Variants in IGSF11 observed in about 807,000 individuals in gnomAD.
IGSF11 encodes CXADR like 1.
IGSF11 carries 22 observed loss-of-function variants against 41.0 expected under a neutral mutation model. The observed-to-expected ratio is 0.54, with a 90% CI of 0.38 to 0.77. IGSF11 has a LOEUF of 0.77. Ranked by LOEUF, IGSF11 falls within the 30% of genes least tolerant of loss-of-function variation. The pLI is 0.00. For missense variants in IGSF11, 444 were observed against 530.8 expected (o/e 0.84, Z 1.61); for synonymous variants, 219 against 201.3 (o/e 1.09, Z -0.74).
chr3:118,969,325 G>T (rs1216225969), intron 1 of IGSF11, among the ~76,000 whole-genome samples: 1 of 152,158 alleles, frequency 6.6e-6, no homozygotes, highest in African/African-American at 2.4e-5. Context: ...AGAGGAAGGA[G>T]ACAGCTGATG....
At chr3:118,937,797 T>C (rs1003557834) in intron 1 of IGSF11, among the ~76,000 whole-genome samples, 3 of 152,176 alleles carry the variant, frequency 2.0e-5, no homozygotes, top group African/African-American at 7.2e-5. Flanking sequence ...CTATGTAACA[T>C]GTAATAGTCT....
At chr3:119,051,153 T>A (rs146366678) in intron 1 of IGSF11, among the ~76,000 whole-genome samples, 3,652 of 149,154 alleles carry the variant, frequency 0.024, 75 homozygotes, top group South Asian at 0.082. Flanking sequence ...TAATAATAAT[T>A]AATAAATAAA....
At chr3:119,024,039 T>A (rs953229131) in intron 1 of IGSF11, among the ~76,000 whole-genome samples, 2 of 152,196 alleles carry the variant, frequency 1.3e-5, no homozygotes, top group Non-Finnish European at 2.9e-5. Flanking sequence ...CTTGTCCAGC[T>A]CCCTGTAGCT....
At chr3:118,961,919 A>C (rs1945364397) in intron 1 of IGSF11, among the ~76,000 whole-genome samples, 1 of 152,244 alleles carries the variant, frequency 6.6e-6, no homozygotes, top group Non-Finnish European at 1.5e-5. Flanking sequence ...TGTTGAACCA[A>C]CACATTCTCA....
intron 1 of IGSF11, among the ~76,000 whole-genome samples, chr3:119,111,503 T>C (rs1474145187): frequency 6.6e-6 from 1 of 152,228 alleles, no homozygotes; most frequent in African/African-American, 2.4e-5. Flanking sequence ...TAAATTTTTT[T>C]CAAAGTTTTC....
chr3:119,123,160 C>T (rs1037663432), intron 1 of IGSF11, among the ~76,000 whole-genome samples: 4 of 152,176 alleles, frequency 2.6e-5, no homozygotes, highest in Non-Finnish European at 5.9e-5. Context: ...TCACCACAAG[C>T]TTCCTGAGGA....
intron 1 of IGSF11, among the ~76,000 whole-genome samples, chr3:119,082,469 T>C (rs2076600659): frequency 6.6e-6 from 1 of 152,166 alleles, no homozygotes; most frequent in African/African-American, 2.4e-5. Flanking sequence ...GAGAAAAATC[T>C]TCCATGAGTA....
chr3:118,983,018 C>T (rs1055470843), intron 1 of IGSF11, among the ~76,000 whole-genome samples: 3 of 152,166 alleles, frequency 2.0e-5, no homozygotes, highest in Non-Finnish European at 4.4e-5. Flanking sequence ...ACACATATCA[C>T]CTCTACTTTT....
intron 1 of IGSF11, among the ~76,000 whole-genome samples, chr3:119,061,705 C>G (rs1048806559): frequency 1.3e-5 from 2 of 152,086 alleles, no homozygotes; most frequent in East Asian, 3.8e-4. Context: ...TCACGGGAAC[C>G]CAAACTAAGA....
Position 119,139,602 on chromosome 3 carries a change from TGA to T in IGSF11, c.-14+6209_-14+6210del, listed in dbSNP as rs1391679026. On this transcript the variant is annotated intron_variant, in intron 1 of 7. Transcript: ENST00000425327. The stretch of plus-strand genomic sequence containing the variant: ...ACTTGCTCTTCCTTGCCTTCTGCCA[TGA>T]GTGTGAGACCTCCCCAGTCACAACT... 1.1e-4 allele frequency among the ~76,000 whole-genome samples: 16 copies of T among 152,350 alleles called. No individual in the cohort carries two copies. In the East Asian group the frequency reaches 3.1e-3, roughly 29 times the overall value.
intron 1 of IGSF11, among the ~76,000 whole-genome samples, chr3:119,033,041 T>A (rs1940564391): frequency 6.6e-6 from 1 of 152,180 alleles, no homozygotes; most frequent in Admixed American, 6.5e-5. Flanking sequence ...TTGGGAATAG[T>A]TTTGCTGAAG....
At chr3:118,909,246 ATGAG>A (rs1939980116) in intron 4 of IGSF11, among the ~76,000 whole-genome samples, 1 of 152,124 alleles carries the variant, frequency 6.6e-6, no homozygotes, top group Non-Finnish European at 1.5e-5. Flanking sequence ...ATTTTAAATA[ATGAG>A]TAACTATAAT....
intron 1 of IGSF11, among the ~76,000 whole-genome samples, chr3:119,100,672 G>A (rs73856958): frequency 0.018 from 2,674 of 152,262 alleles, 72 homozygotes; most frequent in African/African-American, 0.06. Flanking sequence ...CATAATCTGT[G>A]TCTTAGGCTT....
chr3:119,092,114 C>T (rs2076772748), intron 1 of IGSF11, among the ~76,000 whole-genome samples: 1 of 151,604 alleles, frequency 6.6e-6, no homozygotes, highest in African/African-American at 2.4e-5. Context: ...TGGGTTCAAG[C>T]AATTTTCATG....
chr3:118,996,065 T>C (rs1936244079), intron 1 of IGSF11, among the ~76,000 whole-genome samples: 1 of 152,120 alleles, frequency 6.6e-6, no homozygotes, highest in Non-Finnish European at 1.5e-5. Context: ...ATTACAGGCG[T>C]GAGCCACCAC....
chr3:118,900,944 T>G lies in IGSF11; in HGVS notation c.*1576A>C, dbSNP rs1444280625. Reference sequence around the variant, plus strand: ...TGCAGCAGCTGTTGGTTTCCATTCATTCACATAACTGAAAAAAATGTCAGG... The same window carrying G: ...TGCAGCAGCTGTTGGTTTCCATTCAGTCACATAACTGAAAAAAATGTCAGG... On this transcript the variant is annotated 3_prime_UTR_variant, in exon 7 of 7. Transcript: ENST00000393775. The G allele has an allele frequency of 6.6e-6, 1 of 152,606 alleles. No homozygotes were observed. The highest frequency in any genetic ancestry group is 2.4e-5 in the African/African-American group (1 of 41,442). 9.5% of individuals were successfully genotyped at this position (152,606 alleles called of 1,614,324 possible).
At chr3:118,999,389 CTATAAT>C (rs1407844035) in intron 1 of IGSF11, among the ~76,000 whole-genome samples, 1 of 152,068 alleles carries the variant, frequency 6.6e-6, no homozygotes, top group Non-Finnish European at 1.5e-5. Context: ...AAAGAAACTG[CTATAAT>C]TATGTCTTCT....
At chr3:118,912,221 C>A (rs1940412803) in intron 4 of IGSF11, among the ~76,000 whole-genome samples, 2 of 152,170 alleles carry the variant, frequency 1.3e-5, no homozygotes, top group Admixed American at 6.5e-5. Context: ...CCCTTTAAGT[C>A]AGAAGGGAGG....
intron 1 of IGSF11, among the ~76,000 whole-genome samples, chr3:119,053,782 G>A (rs879301212): frequency 9.2e-5 from 14 of 151,500 alleles, no homozygotes; most frequent in South Asian, 2.1e-4. Context: ...CAAGGCTATC[G>A]TTACCAAAAC....
Sources: gnomAD v4.1 joint callset for allele counts (sites outside exome capture counted in the v4.1 genomes callset) on GRCh38, gnomAD v4.1.1 for gene constraint, MANE v1.5 for transcripts, NCBI Gene and HGNC (gene_info 2026-07-23, HGNC 2026-07-21) for gene names.